SPOP: variants seen among roughly 807,000 people sequenced by gnomAD.
SPOP encodes the protein speckle type BTB/POZ protein.
Under a neutral mutation model 45.6 loss-of-function variants are expected in SPOP, and 11 were observed. The ratio of observed to expected loss-of-function variants is 0.24; its 90% CI spans 0.15 to 0.40. The LOEUF (loss-of-function observed/expected upper bound fraction) is 0.40, where lower values mean the gene tolerates loss of function less well. Among genes scored for constraint, SPOP ranks in the 10% least tolerant of loss-of-function variants. The pLI is 1.00. For missense variants in SPOP, 152 were observed against 465.6 expected (o/e 0.33, Z 6.20); for synonymous variants, 166 against 166.3 (o/e 1.00, Z 0.01).
intron 1 of SPOP, among the ~76,000 whole-genome samples, chr17:49,629,303 A>C (rs939926429): frequency 1.3e-5 from 2 of 152,156 alleles, no homozygotes; most frequent in Admixed American, 6.5e-5. Flanking sequence ...CAAGTTCATT[A>C]AGTTTTCTGG....
chr17:49,665,475 C>T (rs540070193), intron 1 of SPOP, among the ~76,000 whole-genome samples: 3 of 151,472 alleles, frequency 2.0e-5, no homozygotes, highest in Non-Finnish European at 4.4e-5. Context: ...ATTAGCCAGG[C>T]GTGGTGGCAG....
intron 1 of SPOP, among the ~76,000 whole-genome samples, chr17:49,669,943 T>C (rs1173501074): frequency 2.6e-5 from 4 of 152,084 alleles, no homozygotes; most frequent in Admixed American, 2.6e-4. Context: ...TACAAATAAA[T>C]AGATATATAG....
intron 1 of SPOP, 133 bp from the exon 2 acceptor site, chr17:49,623,009 A>AT: frequency 8.6e-5 from 45 of 521,310 alleles, no homozygotes; most frequent in Middle Eastern, 4.8e-4. Context: ...GAGGTCCTAA[A>AT]ATTTTTTTTT....
chr17:49,675,249 T>A (rs1299926996), intron 1 of SPOP, among the ~76,000 whole-genome samples: 3 of 151,998 alleles, frequency 2.0e-5, no homozygotes, highest in Admixed American at 1.3e-4. Flanking sequence ...GTTGGCTGAA[T>A]GATGGTACAT....
Position 49,649,294 on chromosome 17 carries a change from T to C in SPOP, c.-66-26418A>G, listed in dbSNP as rs180876845. Among the ~76,000 whole-genome samples the C allele has an allele frequency of 1.4e-3, 219 of 152,152 alleles. 1 individual carries two copies. The highest frequency in any genetic ancestry group is 5.3e-3 in the Admixed American group (81 of 15,296). On this transcript the variant is annotated intron_variant, in intron 1 of 9. Coordinates refer to ENST00000504102, the MANE Select transcript of SPOP (RefSeq NM_001007228.2). ...GGCTCACGCCTGTAATCCCAGCACT[T>C]TGGGAACCAAGGAGAGCGGACCACC...
At position 49,662,677 on chromosome 17, in the gene SPOP, A is replaced by G. The variant is rs574255278; in HGVS notation, c.-67+15256T>C. 4.6e-5 allele frequency among the ~76,000 whole-genome samples: 7 copies of G among 150,884 alleles called. No individual in the cohort carries two copies. In the East Asian group the frequency reaches 1.4e-3, roughly 30 times the overall value. On this transcript the variant is annotated intron_variant, in intron 1 of 9. Coordinates refer to ENST00000504102, the MANE Select transcript of SPOP (RefSeq NM_001007228.2). ...ACTCCAGCCTGGGCGACAGGGGGAG[A>G]CTCCATCTCAAAAAAAAAAAAAAGT... is the stretch of plus-strand genomic sequence containing the variant.
intron 1 of SPOP, among the ~76,000 whole-genome samples, chr17:49,637,388 T>C (rs1327470441): frequency 1.3e-5 from 2 of 152,108 alleles, no homozygotes; most frequent in Non-Finnish European, 2.9e-5. Context: ...CTCAGCTCTG[T>C]TAGCCAGGCT....
rs565391290 is a variant in SPOP at position 49,600,089 on chromosome 17, C to T, written c.*289G>A. 3.9e-4 allele frequency: 154 copies of T among 395,926 alleles called. No individual in the cohort carries two copies. In the Middle Eastern group the frequency reaches 5.6e-3, roughly 15 times the overall value. The allele number at this position is 395,926 out of a possible 1,614,324, so 24.5% of individuals were successfully genotyped here. On this transcript the variant is annotated 3_prime_UTR_variant, in exon 10 of 10. Coordinates refer to ENST00000504102, the MANE Select transcript of SPOP (RefSeq NM_001007228.2). This position sits in a 1 kb window ranked among gnomAD's most constrained non-coding sequence, Gnocchi z 4.2. ...CAGACAGGTGTCTCCGAAGTACCACCGCTGGGATATCCTCGGGCCAGCGCC... is the reference window on the plus strand; with the variant it reads ...CAGACAGGTGTCTCCGAAGTACCACTGCTGGGATATCCTCGGGCCAGCGCC...
chr17:49,660,771 T>G (rs560632572), intron 1 of SPOP, among the ~76,000 whole-genome samples: 132 of 152,242 alleles, frequency 8.7e-4, no homozygotes, highest in African/African-American at 3.2e-3. Context: ...GAAACCATCC[T>G]GGCTAACAGG....
intron 1 of SPOP, among the ~76,000 whole-genome samples, chr17:49,664,211 T>C (rs868351203): frequency 1.6e-4 from 25 of 152,220 alleles, no homozygotes; most frequent in African/African-American, 4.8e-4. Flanking sequence ...ATATGCACAA[T>C]TGTCTGAAAA....
intron 1 of SPOP, among the ~76,000 whole-genome samples, chr17:49,633,464 T>A (rs551736435): frequency 2.0e-5 from 3 of 152,134 alleles, no homozygotes; most frequent in African/African-American, 7.2e-5. Context: ...AAGGAGACCT[T>A]AGCAGCCAGC....
intron 1 of SPOP, among the ~76,000 whole-genome samples, chr17:49,665,157 A>G (rs1423250776): frequency 2.6e-5 from 4 of 152,204 alleles, no homozygotes; most frequent in African/African-American, 9.6e-5. Context: ...ATATCCCTAT[A>G]TAAAATTACT....
intron 1 of SPOP, among the ~76,000 whole-genome samples, chr17:49,632,297 GA>G (rs943218486): frequency 6.6e-6 from 1 of 152,196 alleles, no homozygotes; most frequent in African/African-American, 2.4e-5. Flanking sequence ...ACCCTTCCCT[GA>G]TTAAAAATCT....
rs1010429779 is a variant in SPOP, at chr17:49,626,800, T to A, written c.-66-3924A>T. 5.0e-4 allele frequency among the ~76,000 whole-genome samples: 76 copies of A among 152,272 alleles called. 1 individual carries two copies. The highest frequency in any genetic ancestry group is 7.8e-4 in the Admixed American group (12 of 15,290). On this transcript the variant is annotated intron_variant, in intron 1 of 9. Coordinates refer to ENST00000504102, the MANE Select transcript of SPOP (RefSeq NM_001007228.2). ...CTACAGTTGCACTTTCACAGAGTAA[T>A]ACTCATAAATGAAATGAGATGTTAT...
intron 6 of SPOP, among the ~76,000 whole-genome samples, chr17:49,608,470 TG>T (rs540391012): frequency 8.9e-4 from 135 of 151,456 alleles, no homozygotes; most frequent in African/African-American, 2.7e-3. Context: ...CCCAAAGAGG[TG>T]GGGGGGGAAA....
chr17:49,630,201 C>CA (rs932203088), intron 1 of SPOP, among the ~76,000 whole-genome samples: 1 of 152,022 alleles, frequency 6.6e-6, no homozygotes, highest in Non-Finnish European at 1.5e-5. Context: ...AACAAACAAA[C>CA]AAAAAAACTG....
chr17:49,640,061 C>T (rs2072617465), intron 1 of SPOP, among the ~76,000 whole-genome samples: 1 of 151,882 alleles, frequency 6.6e-6, no homozygotes, highest in African/African-American at 2.4e-5. Context: ...ACCAGCCTGG[C>T]CAACATGGTG....
intron 1 of SPOP, among the ~76,000 whole-genome samples, chr17:49,639,428 C>T (rs1219837529): frequency 1.3e-5 from 2 of 152,122 alleles, no homozygotes; most frequent in African/African-American, 2.4e-5. Flanking sequence ...AACTTCTGTA[C>T]ATGTTCACAG....
At chr17:49,663,085 C>T (rs1303723825) in intron 1 of SPOP, among the ~76,000 whole-genome samples, 2 of 152,266 alleles carry the variant, frequency 1.3e-5, no homozygotes, top group Admixed American at 6.5e-5. Context: ...CAGGGGTCCC[C>T]AGCCCCAGGG....
Sources: gnomAD v4.1 joint callset for allele counts (sites outside exome capture counted in the v4.1 genomes callset) on GRCh38, gnomAD v4.1.1 for gene constraint, Gnocchi (gnomAD v3.1) non-coding constraint, MANE v1.5 for transcripts, NCBI Gene and HGNC (gene_info 2026-07-23, HGNC 2026-07-21) for gene names.